The following SDK1 variants were observed in gnomAD, a reference collection of about 807,000 sequenced individuals.
SDK1 encodes the protein sidekick cell adhesion molecule 1.
In SDK1, 157 loss-of-function variants were observed where a neutral mutation model predicts 245.5. That is an observed-to-expected ratio of 0.64 (90% CI 0.56 to 0.73). SDK1 has a LOEUF of 0.73. Ranked by LOEUF, SDK1 falls within the 30% of genes least tolerant of loss-of-function variation. The probability of loss-of-function intolerance (pLI) is 0.00; values close to 1 mark genes in which losing one functional copy is unlikely to be tolerated. For synonymous variants in SDK1, 1,647 were observed against 1,278.5 expected (o/e 1.29, Z -6.15); for missense variants, 3,583 against 3,002.3 (o/e 1.19, Z -4.52).
chr7:4,045,432 G>A (rs1788949314), intron 17 of SDK1, among the ~76,000 whole-genome samples: 1 of 151,834 alleles, frequency 6.6e-6, no homozygotes, highest in South Asian at 2.1e-4. Context: ...TTTTTGTAGG[G>A]ACGGGGTCTC....
chr7:3,637,677 G>A (rs1316276024), intron 2 of SDK1, among the ~76,000 whole-genome samples: 1 of 152,140 alleles, frequency 6.6e-6, no homozygotes, highest in Non-Finnish European at 1.5e-5. Flanking sequence ...CTTTGAAATT[G>A]TACTAAAAAA....
At chr7:3,326,589 G>T (rs1396115693) in intron 1 of SDK1, among the ~76,000 whole-genome samples, 1 of 152,124 alleles carries the variant, frequency 6.6e-6, no homozygotes, top group African/African-American at 2.4e-5. Context: ...CTTTGGAAAG[G>T]TAGTGTTAGT....
chr7:3,877,307 C>T (rs1433113800), intron 5 of SDK1, among the ~76,000 whole-genome samples: 1 of 152,194 alleles, frequency 6.6e-6, no homozygotes, highest in African/African-American at 2.4e-5. Context: ...AATCATCTTG[C>T]AGAGTTGTTA....
chr7:3,387,107 C>T (rs1781627959), intron 1 of SDK1, among the ~76,000 whole-genome samples: 1 of 152,138 alleles, frequency 6.6e-6, no homozygotes, highest in Non-Finnish European at 1.5e-5. Flanking sequence ...CTGAACCAGC[C>T]CCAAGTTGGT....
At chr7:3,992,267 A>C (rs1215419921) in intron 14 of SDK1, among the ~76,000 whole-genome samples, 1 of 152,338 alleles carries the variant, frequency 6.6e-6, no homozygotes, top group South Asian at 2.1e-4. Flanking sequence ...CTGAGCCTGC[A>C]CCCATGTACG....
In SDK1 at chr7:4,077,102, A is replaced by G; in HGVS notation, c.3115A>G (p.Thr1039Ala). Residue 1039 changes from threonine (T) to alanine (A), a missense_variant, in exon 21 of 45, where the codon ACC (threonine) becomes GCC (alanine). Physicochemically the swap from Thr to Ala is moderately conservative, Grantham distance 58. Transcript: ENST00000404826. The part of the protein sequence containing the change: ...EYKIQGLSSL[T>A]TYTIDVAAVT... ...CAAGATCCAAGGCCTCTCATCTCTC[A>G]CCACCTACACCATCGACGTGGCCGC... 6.2e-7 allele frequency: 1 copy of G among 1,614,172 alleles called. No homozygotes were observed. Among genetic ancestry groups the G allele is most frequent in the East Asian group, 2.2e-5 (1 of 44,872 alleles).
At chr7:3,975,921 G>C (rs1429792346) in intron 13 of SDK1, among the ~76,000 whole-genome samples, 8 of 146,952 alleles carry the variant, frequency 5.4e-5, no homozygotes, top group African/African-American at 1.8e-4. Flanking sequence ...GGGTCCTCCA[G>C]AGAATCACTG....
intron 5 of SDK1, among the ~76,000 whole-genome samples, chr7:3,873,216 A>G (rs566131064): frequency 7.2e-5 from 11 of 152,218 alleles, no homozygotes; most frequent in East Asian, 1.9e-4. Context: ...TACTGGGTGT[A>G]GAATCCTGTA....
At chr7:4,014,081 G>T (rs1456065841) in intron 16 of SDK1, among the ~76,000 whole-genome samples, 2 of 152,246 alleles carry the variant, frequency 1.3e-5, no homozygotes, top group Non-Finnish European at 2.9e-5. Context: ...ATAATTGGCT[G>T]CCCTCTGTAC....
chr7:3,678,916 C>G (rs1439387619), intron 4 of SDK1, among the ~76,000 whole-genome samples: 1 of 152,132 alleles, frequency 6.6e-6, no homozygotes, highest in Non-Finnish European at 1.5e-5. Flanking sequence ...CATTTTATAT[C>G]TTTAAAAAAA....
intron 19 of SDK1, among the ~76,000 whole-genome samples, chr7:4,055,843 C>T (rs1779161488): frequency 1.3e-5 from 2 of 152,040 alleles, no homozygotes. Flanking sequence ...CATTTTCATC[C>T]AGTTCTCTGT....
At chr7:3,349,036 T>G (rs1297966014) in intron 1 of SDK1, among the ~76,000 whole-genome samples, 1 of 151,768 alleles carries the variant, frequency 6.6e-6, no homozygotes, top group Non-Finnish European at 1.5e-5. Context: ...GGTCTGCGCT[T>G]CTTTCTCCTT....
chr7:3,457,147 C>T (rs910673423), intron 1 of SDK1, among the ~76,000 whole-genome samples: 15 of 152,170 alleles, frequency 9.9e-5, no homozygotes, highest in African/African-American at 2.4e-4. Context: ...ACTTGGGTGT[C>T]GTTACTGGGA....
At chr7:3,437,240 G>T (rs1176257449) in intron 1 of SDK1, among the ~76,000 whole-genome samples, 2 of 151,650 alleles carry the variant, frequency 1.3e-5, no homozygotes, top group African/African-American at 4.8e-5. Flanking sequence ...AGTAATAAAA[G>T]TTTTTTTTTC....
chr7:3,514,910 A>G (rs1162897229), intron 1 of SDK1, among the ~76,000 whole-genome samples: 1 of 152,178 alleles, frequency 6.6e-6, no homozygotes, highest in African/African-American at 2.4e-5. Flanking sequence ...TCTTTCACTC[A>G]TTTAAGTGTG....
At chr7:3,719,207 A>T (rs1405404740) in intron 4 of SDK1, among the ~76,000 whole-genome samples, 1 of 151,980 alleles carries the variant, frequency 6.6e-6, no homozygotes, top group African/African-American at 2.4e-5. Flanking sequence ...AGACCTAAAA[A>T]ATCAGAGAGA....
chr7:3,622,690 G>A (rs187993983), intron 2 of SDK1, among the ~76,000 whole-genome samples: 181 of 152,292 alleles, frequency 1.2e-3, no homozygotes, highest in Non-Finnish European at 2.1e-3. Context: ...AACGTTGTTG[G>A]TTGTATTGAA....
intron 5 of SDK1, among the ~76,000 whole-genome samples, chr7:3,881,206 G>T (rs1781200767): frequency 6.6e-6 from 1 of 152,054 alleles, no homozygotes; most frequent in Non-Finnish European, 1.5e-5. Flanking sequence ...CACCACCTAG[G>T]TATTAAGCCC....
At chr7:4,240,230 C>T (rs1321000001) in intron 42 of SDK1, among the ~76,000 whole-genome samples, 3 of 152,090 alleles carry the variant, frequency 2.0e-5, no homozygotes, top group Non-Finnish European at 2.9e-5. Flanking sequence ...AAAGGCAGAT[C>T]GGACCTGCAG....
Sources: allele counts gnomAD v4.1 joint callset (sites outside exome capture counted in the v4.1 genomes callset), GRCh38; gene constraint gnomAD v4.1.1; transcripts MANE v1.5; gene names NCBI Gene and HGNC (gene_info 2026-07-23, HGNC 2026-07-21).